The following NAALADL2 variants were observed in gnomAD, a reference collection of about 807,000 sequenced individuals.
NAALADL2 encodes the protein N-acetylated alpha-linked acidic dipeptidase like 2, also known as inactive N-acetylated-alpha-linked acidic dipeptidase-like protein 2.
Under a neutral mutation model 87.2 loss-of-function variants are expected in NAALADL2, and 76 were observed. That is an observed-to-expected ratio of 0.87 (90% confidence interval 0.72 to 1.05). The LOEUF is 1.05. NAALADL2 is among the 50% of genes least tolerant of loss of function. NAALADL2 has a pLI of 0.00. For missense variants in NAALADL2, 1,089 were observed against 945.8 expected (o/e 1.15, Z -1.99); for synonymous variants, 354 against 331.0 (o/e 1.07, Z -0.75).
At chr3:175,771,708 T>C (rs560929470) in intron 13 of NAALADL2, among the ~76,000 whole-genome samples, 12 of 152,304 alleles carry the variant, frequency 7.9e-5, no homozygotes, top group African/African-American at 2.4e-4. Context: ...GATTTAGGGC[T>C]CATTCACATA....
chr3:175,044,936 T>C (rs1580169631), intron 1 of NAALADL2, among the ~76,000 whole-genome samples: 2 of 152,138 alleles, frequency 1.3e-5, no homozygotes. Flanking sequence ...TCTGATTTTT[T>C]TTTTTTCATG....
At chr3:175,023,329 A>C in intron 1 of NAALADL2, among the ~76,000 whole-genome samples, 1 of 152,062 alleles carries the variant, frequency 6.6e-6, no homozygotes, top group South Asian at 2.1e-4. Flanking sequence ...TCATATTTCA[A>C]TTTATGCCTC....
intron 3 of NAALADL2, among the ~76,000 whole-genome samples, chr3:174,844,835 G>GTTTTTTTTTTT (rs781333758): frequency 2.8e-5 from 1 of 35,458 alleles, no homozygotes; most frequent in African/African-American, 1.3e-4. Flanking sequence ...AGTTCTAATG[G>GTTTTTTTTTTT]TTTTTTTTTT....
chr3:174,864,156 C>T (rs192286829), intron 1 of NAALADL2: 404 of 443,138 alleles, frequency 9.1e-4, no homozygotes, highest in Non-Finnish European at 1.4e-3. Context: ...GTACATTTTC[C>T]AGGTACAAGA....
intron 1 of NAALADL2, among the ~76,000 whole-genome samples, chr3:174,963,357 A>G (rs1056038529): frequency 6.6e-6 from 1 of 152,304 alleles, no homozygotes; most frequent in African/African-American, 2.4e-5. Flanking sequence ...AAATTGTATC[A>G]TGGATATTGG....
At chr3:174,924,783 G>A (rs1285927164) in intron 1 of NAALADL2, among the ~76,000 whole-genome samples, 3 of 152,126 alleles carry the variant, frequency 2.0e-5, no homozygotes, top group South Asian at 2.1e-4. Flanking sequence ...ATCTCATTGT[G>A]GTTTTGCTTT....
intron 9 of NAALADL2, among the ~76,000 whole-genome samples, chr3:175,563,200 A>G (rs1716558782): frequency 6.6e-6 from 1 of 152,194 alleles, no homozygotes; most frequent in South Asian, 2.1e-4. Flanking sequence ...AAAGAGAAGC[A>G]TCATTGCTTT....
chr3:174,683,040 CTT>C (rs1306599973), intron 2 of NAALADL2, among the ~76,000 whole-genome samples: 5 of 152,214 alleles, frequency 3.3e-5, no homozygotes, highest in Middle Eastern at 3.4e-3. Flanking sequence ...AAATCAGCAT[CTT>C]ATCAAATACA....
intron 9 of NAALADL2, among the ~76,000 whole-genome samples, chr3:175,548,836 C>A (rs1348368586): frequency 6.6e-6 from 1 of 151,924 alleles, no homozygotes; most frequent in African/African-American, 2.4e-5. Context: ...TTAGTGCTTG[C>A]TGAAGGGATG....
At chr3:175,622,009 C>T (rs1187148294) in intron 10 of NAALADL2, among the ~76,000 whole-genome samples, 2 of 152,084 alleles carry the variant, frequency 1.3e-5, no homozygotes, top group Admixed American at 1.3e-4. Flanking sequence ...ATTATTGCTA[C>T]CACATACTAA....
intron 12 of NAALADL2, among the ~76,000 whole-genome samples, chr3:175,738,948 T>G (rs1279394961): frequency 6.6e-6 from 1 of 152,170 alleles, no homozygotes; most frequent in African/African-American, 2.4e-5. Context: ...TAATTTTATT[T>G]ATTCTGTAAA....
intron 1 of NAALADL2, among the ~76,000 whole-genome samples, chr3:174,925,893 A>G (rs1735946957): frequency 6.6e-6 from 1 of 152,184 alleles, no homozygotes; most frequent in East Asian, 1.9e-4. Flanking sequence ...AAGTCTTCAG[A>G]TGATCAAACT....
At chr3:175,514,062 C>T (rs967669852) in intron 9 of NAALADL2, among the ~76,000 whole-genome samples, 4 of 152,170 alleles carry the variant, frequency 2.6e-5, no homozygotes, top group Non-Finnish European at 5.9e-5. Flanking sequence ...TTACAAGTGA[C>T]CTCAAGGTCA....
intron 11 of NAALADL2, among the ~76,000 whole-genome samples, chr3:175,731,805 A>G (rs997479526): frequency 6.6e-6 from 1 of 152,180 alleles, no homozygotes; most frequent in East Asian, 1.9e-4. Flanking sequence ...AGCTTTCTCC[A>G]GCAGCACTCA....
intron 2 of NAALADL2, among the ~76,000 whole-genome samples, chr3:174,576,887 A>G (rs1471745722): frequency 6.6e-6 from 1 of 152,186 alleles, no homozygotes; most frequent in Non-Finnish European, 1.5e-5. Flanking sequence ...TAAAATATAC[A>G]TTATACACTT....
chr3:175,447,310 T>C lies in NAALADL2; in HGVS notation c.1172T>C (p.Ile391Thr). The C allele has an allele frequency of 1.2e-6, 2 of 1,605,724 alleles. No individual in the cohort carries two copies. The highest frequency in any genetic ancestry group is 2.2e-5 in the South Asian group (2 of 89,458). The change falls in exon 6 of 14, where the codon ATC becomes ACC. Residue 391 changes from isoleucine to threonine, a missense_variant. Coordinates refer to ENST00000454872, the MANE Select transcript of NAALADL2 (RefSeq NM_207015.3). ...TCTGCACCCCTCGTTGCAAAACTGA[T>C]CTCTTCGCCAAAAGCTAGAACCAAA... ...PISAPLVAKLISSPKARTKNE... is the reference protein window; with the variant it reads ...PISAPLVAKLTSSPKARTKNE...
intron 11 of NAALADL2, among the ~76,000 whole-genome samples, chr3:175,637,173 T>C (rs1728671088): frequency 6.6e-6 from 1 of 152,258 alleles, no homozygotes; most frequent in Non-Finnish European, 1.5e-5. Flanking sequence ...TCAGCTTTGC[T>C]GTCTGCATTT....
intron 3 of NAALADL2, among the ~76,000 whole-genome samples, chr3:174,766,907 G>T (rs1713871555): frequency 6.6e-6 from 1 of 152,116 alleles, no homozygotes; most frequent in South Asian, 2.1e-4. Flanking sequence ...TGCGGATCTT[G>T]GGCAGAGCCT....
intron 9 of NAALADL2, among the ~76,000 whole-genome samples, chr3:175,477,683 A>C (rs1359365413): frequency 6.6e-6 from 1 of 152,114 alleles, no homozygotes; most frequent in Non-Finnish European, 1.5e-5. Flanking sequence ...TTGCATATAC[A>C]TGTAGTTACA....
Sources: allele counts gnomAD v4.1 joint callset (sites outside exome capture counted in the v4.1 genomes callset), GRCh38; gene constraint gnomAD v4.1.1; transcripts MANE v1.5; gene names NCBI Gene and HGNC (gene_info 2026-07-23, HGNC 2026-07-21).